STXBP5: variants seen among roughly 807,000 people sequenced by gnomAD.
STXBP5 encodes syntaxin binding protein 5, also known as syntaxin-binding protein 5.
STXBP5 carries 50 observed loss-of-function variants against 152.4 expected under a neutral mutation model. The observed-to-expected ratio is 0.33, with a 90% CI of 0.26 to 0.42. The LOEUF is 0.42. STXBP5 is among the 10% of genes least tolerant of loss of function. The probability of loss-of-function intolerance (pLI) is 1.00; values close to 1 mark genes in which losing one functional copy is unlikely to be tolerated. For missense variants in STXBP5, 1,167 were observed against 1,388.6 expected (o/e 0.84, Z 2.54); for synonymous variants, 492 against 494.7 (o/e 0.99, Z 0.07).
At position 147,290,580 on chromosome 6, in the gene STXBP5, T is replaced by C. The variant is rs538901536; in HGVS notation, c.839-514T>C. Reference sequence around the variant, plus strand: ...AATTAGAATTCTTTGGCAAAATGAGTCTCTGACACATTTTATAGAGGTTGG... The same window carrying C: ...AATTAGAATTCTTTGGCAAAATGAGCCTCTGACACATTTTATAGAGGTTGG... On this transcript the variant is annotated intron_variant, in intron 8 of 27. Coordinates refer to ENST00000321680, the MANE Select transcript of STXBP5 (RefSeq NM_001127715.4). Among the ~76,000 whole-genome samples, 10 of 152,240 alleles carry C rather than the reference T, an allele frequency of 6.6e-5. No homozygotes were observed. In the South Asian group the frequency reaches 1.9e-3, roughly 28 times the overall value.
intron 27 of STXBP5, among the ~76,000 whole-genome samples, chr6:147,383,863 A>T (rs1215207385): frequency 6.6e-6 from 1 of 152,030 alleles, no homozygotes; most frequent in African/African-American, 2.4e-5. Context: ...CCTGGAAGAT[A>T]CTTGTCTAGG....
chr6:147,353,463 T>C (rs1302774696), intron 22 of STXBP5, 90 bp downstream of exon 22: 2 of 821,190 alleles, frequency 2.4e-6, no homozygotes, highest in Non-Finnish European at 3.6e-6. Flanking sequence ...AAGATAGTCA[T>C]TGGAAAGCAA....
intron 25 of STXBP5, among the ~76,000 whole-genome samples, chr6:147,370,459 T>C (rs1484467255): frequency 6.6e-6 from 1 of 152,112 alleles, no homozygotes; most frequent in African/African-American, 2.4e-5. Context: ...TAATTGTCAT[T>C]GACAGGCAAT....
chr6:147,270,677 A>G (rs763176779), intron 7 of STXBP5, among the ~76,000 whole-genome samples: 1 of 152,192 alleles, frequency 6.6e-6, no homozygotes, highest in Middle Eastern at 3.2e-3. Context: ...ATTTGGATCT[A>G]TTCAAAAGAA....
chr6:147,375,124 G>C (rs976045825), intron 26 of STXBP5, among the ~76,000 whole-genome samples: 2 of 152,014 alleles, frequency 1.3e-5, no homozygotes, highest in African/African-American at 4.8e-5. Flanking sequence ...AGATAACCAG[G>C]AACATAGATG....
chr6:147,215,472 C>T (rs1329375220), intron 2 of STXBP5, among the ~76,000 whole-genome samples: 1 of 152,060 alleles, frequency 6.6e-6, no homozygotes, highest in African/African-American at 2.4e-5. Context: ...CCTCTGCCTC[C>T]CAGGCTCAAG....
rs1786536457 is a variant in STXBP5 at position 147,390,438 on chromosome 6, G to A, written c.*5683G>A. ...CTTTATGCTGAAGGGCTCTGATTGG[G>A]CAAAATAAAATACTCTAATCTCTCC... On this transcript the variant is annotated 3_prime_UTR_variant, in exon 28 of 28. Coordinates refer to ENST00000321680, the MANE Select transcript of STXBP5 (RefSeq NM_001127715.4). 6.6e-6 allele frequency: 1 copy of A among 151,732 alleles called. No homozygotes were observed. Among genetic ancestry groups the A allele is most frequent in the East Asian group, 1.9e-4 (1 of 5,166 alleles). 9.4% of individuals were successfully genotyped at this position (151,732 alleles called of 1,614,324 possible). A position where few individuals can be genotyped will look rare whatever the true frequency, so the allele number is the denominator to read the frequency against.
At chr6:147,273,842 C>T (rs1056956154) in intron 7 of STXBP5, among the ~76,000 whole-genome samples, 1 of 151,828 alleles carries the variant, frequency 6.6e-6, no homozygotes, top group Non-Finnish European at 1.5e-5. Flanking sequence ...GTCCCAGCTA[C>T]TCGGGAGGCT....
chr6:147,349,553 A>C (rs551155221), intron 21 of STXBP5, among the ~76,000 whole-genome samples: 1 of 152,360 alleles, frequency 6.6e-6, no homozygotes, highest in South Asian at 2.1e-4. Flanking sequence ...TGTTTCGTGA[A>C]AATGTACAAA....
intron 21 of STXBP5, among the ~76,000 whole-genome samples, chr6:147,346,396 T>C (rs1056901591): frequency 2.0e-5 from 3 of 152,026 alleles, no homozygotes; most frequent in African/African-American, 4.8e-5. Context: ...ATCAAGGAGG[T>C]TGGCTAAACA....
rs1562463137 is a variant in STXBP5, at chr6:147,287,193, C to CTTTT, written c.839-3901_839-3900insTTTT. Among the ~76,000 whole-genome samples the CTTTT allele has an allele frequency of 1.1e-4, 12 of 108,396 alleles. 2 individuals carry two copies. The highest frequency in any genetic ancestry group is 4.1e-4 in the African/African-American group (11 of 26,630). The allele number at this position is 108,396 out of a possible 152,430, so 71.1% of individuals were successfully genotyped here. On this transcript the variant is annotated intron_variant, in intron 8 of 27. Coordinates refer to ENST00000321680, the MANE Select transcript of STXBP5 (RefSeq NM_001127715.4). ...ATAGTTCAATAATAACTTAATTGTA[C>CTTTT]ATTTTTTTTTTTTTTTTTTTTTTTT...
intron 8 of STXBP5, among the ~76,000 whole-genome samples, chr6:147,282,026 G>A (rs1272862056): frequency 6.6e-6 from 1 of 152,150 alleles, no homozygotes; most frequent in Non-Finnish European, 1.5e-5. Flanking sequence ...TGGTTCTACT[G>A]TGTGATAGGC....
intron 2 of STXBP5, among the ~76,000 whole-genome samples, chr6:147,230,356 T>C (rs1398958902): frequency 1.3e-5 from 2 of 151,910 alleles, no homozygotes; most frequent in African/African-American, 4.8e-5. Flanking sequence ...CTTATCTTGC[T>C]GGGCCATATT....
intron 21 of STXBP5, 135 bp downstream of exon 21, chr6:147,339,519 G>A (rs990931084): frequency 3.2e-6 from 2 of 633,124 alleles, no homozygotes; most frequent in East Asian, 6.8e-5. Flanking sequence ...CTCTTGGGCT[G>A]TGTCTCTTCT....
intron 11 of STXBP5, 34 bp downstream of exon 11, chr6:147,311,561 G>C: frequency 6.6e-7 from 1 of 1,520,794 alleles, no homozygotes; most frequent in Non-Finnish European, 9.0e-7. Flanking sequence ...GATTCTATCA[G>C]TATGTGGTTG....
chr6:147,279,238 A>G (rs1780587675), intron 8 of STXBP5, among the ~76,000 whole-genome samples: 1 of 152,182 alleles, frequency 6.6e-6, no homozygotes, highest in Non-Finnish European at 1.5e-5. Context: ...GAAACAGATT[A>G]TGAAGGCCAC....
At chr6:147,334,288 G>T in intron 19 of STXBP5, 66 bp downstream of exon 19, 1 of 1,437,096 alleles carries the variant, frequency 7.0e-7, no homozygotes, top group South Asian at 1.3e-5. Context: ...GCATACTAGT[G>T]TACATTTTGA....
rs544856015 is a variant in STXBP5, at chr6:147,279,391, AGCTATT to A, written c.838+1192_838+1197del. 4.1e-3 allele frequency among the ~76,000 whole-genome samples: 621 copies of A among 152,316 alleles called. 6 individuals are homozygous for A. The highest frequency in any genetic ancestry group is 0.015 in the African/African-American group (609 of 41,568). On this transcript the variant is annotated intron_variant, in intron 8 of 27. Coordinates refer to ENST00000321680, the MANE Select transcript of STXBP5 (RefSeq NM_001127715.4). ...ATAGTATATTCAAGATTGTCCTTGT[AGCTATT>A]GCTAGTATTTCATTGTTTGCTTTAA...
chr6:147,210,263 AAAG>A (rs1265908564), intron 2 of STXBP5, among the ~76,000 whole-genome samples: 3 of 152,332 alleles, frequency 2.0e-5, no homozygotes, highest in Admixed American at 2.0e-4. Context: ...AAAACTTGGC[AAAG>A]AAGTGGCAGA....
Sources: gnomAD v4.1 joint callset for allele counts (sites outside exome capture counted in the v4.1 genomes callset) on GRCh38, gnomAD v4.1.1 for gene constraint, MANE v1.5 for transcripts, NCBI Gene and HGNC (gene_info 2026-07-23, HGNC 2026-07-21) for gene names.